The following NDUFAF2 variants were observed in gnomAD, a reference collection of about 807,000 sequenced individuals.
NDUFAF2 encodes NADH:ubiquinone oxidoreductase complex assembly factor 2.
NDUFAF2 carries 13 observed loss-of-function variants against 22.8 expected under a neutral mutation model. The observed-to-expected ratio is 0.57, with a 90% confidence interval of 0.37 to 0.91. The LOEUF is 0.91. NDUFAF2 is among the 40% of genes least tolerant of loss of function. The pLI is 0.01. For missense variants in NDUFAF2, 162 were observed against 195.2 expected, an observed-to-expected ratio of 0.83 and a Z score of 1.01; for synonymous variants, 53 against 64.2, an observed-to-expected ratio of 0.83 and a Z score of 0.84.
chr5:61,048,731 G>A (rs941625078), intron 1 of NDUFAF2, among the ~76,000 whole-genome samples: 2 of 152,136 alleles, frequency 1.3e-5, no homozygotes, highest in African/African-American at 4.8e-5. Context: ...TTTTCTTCAA[G>A]ACATTTGAGT....
At chr5:61,100,666 A>G (rs1752694749) in intron 3 of NDUFAF2, among the ~76,000 whole-genome samples, 1 of 152,038 alleles carries the variant, frequency 6.6e-6, no homozygotes, top group South Asian at 2.1e-4. Context: ...TTTCTCTACC[A>G]CAGAACCTCA....
chr5:61,081,056 A>G lies in NDUFAF2; in HGVS notation c.217+7842A>G, dbSNP rs1476617502. Among the ~76,000 whole-genome samples, 4 of 151,936 alleles carry G rather than the reference A, an allele frequency of 2.6e-5. No individual in the cohort carries two copies. The South Asian group carries it at 6.2e-4, about 24-fold the overall frequency. On this transcript the variant is annotated intron_variant, in intron 2 of 3. Transcript: ENST00000296597. ...GTTTCATGTTTTTTATGGCAATCTA[A>G]TTTTCCAGCACCGTTTTTTTAAATG...
intron 3 of NDUFAF2, among the ~76,000 whole-genome samples, chr5:61,124,851 T>C (rs989781247): frequency 3.9e-5 from 6 of 152,064 alleles, no homozygotes; most frequent in African/African-American, 1.4e-4. Flanking sequence ...GGGTAATTTA[T>C]AAAGAAAAGA....
chr5:61,046,361 A>G (rs1751954214), intron 1 of NDUFAF2, among the ~76,000 whole-genome samples: 1 of 152,112 alleles, frequency 6.6e-6, no homozygotes. Context: ...GAAGAGTTTA[A>G]GAAGGATTGG....
At chr5:61,139,062 C>T (rs1741009119) in intron 3 of NDUFAF2, among the ~76,000 whole-genome samples, 1 of 152,230 alleles carries the variant, frequency 6.6e-6, no homozygotes, top group Non-Finnish European at 1.5e-5. Context: ...AATACAGATA[C>T]TCCTTAACTT....
intron 3 of NDUFAF2, among the ~76,000 whole-genome samples, chr5:61,124,539 T>A (rs1753011954): frequency 6.6e-6 from 1 of 152,084 alleles, no homozygotes; most frequent in South Asian, 2.1e-4. Context: ...TCATCTTTGA[T>A]CTAGACTGTC....
chr5:61,075,822 A>C (rs1479981302), intron 2 of NDUFAF2, among the ~76,000 whole-genome samples: 1 of 152,208 alleles, frequency 6.6e-6, no homozygotes, highest in African/African-American at 2.4e-5. Flanking sequence ...GTTCAGATGA[A>C]TATTGTATTT....
intron 1 of NDUFAF2, among the ~76,000 whole-genome samples, chr5:60,994,067 A>G (rs1300002198): frequency 6.6e-6 from 1 of 152,168 alleles, no homozygotes. Context: ...CTTCCCTCCC[A>G]TGCTCATTGG....
intron 1 of NDUFAF2, among the ~76,000 whole-genome samples, chr5:60,994,264 A>G (rs1377026203): frequency 6.6e-6 from 1 of 152,220 alleles, no homozygotes; most frequent in East Asian, 1.9e-4. Context: ...GAGCCTTCTC[A>G]GTCTCCCGAG....
At chr5:61,074,766 A>G (rs1296350637) in intron 2 of NDUFAF2, among the ~76,000 whole-genome samples, 1 of 152,014 alleles carries the variant, frequency 6.6e-6, no homozygotes, top group South Asian at 2.1e-4. Flanking sequence ...GTCTCAAAAA[A>G]GAAAAGAAAA....
At chr5:61,071,231 T>A (rs190016126) in intron 1 of NDUFAF2, among the ~76,000 whole-genome samples, 2 of 152,272 alleles carry the variant, frequency 1.3e-5, no homozygotes, top group African/African-American at 4.8e-5. Context: ...TGTCCTACTG[T>A]AAATTTATTG....
intron 3 of NDUFAF2, among the ~76,000 whole-genome samples, chr5:61,113,160 C>T (rs2111787102): frequency 6.6e-6 from 1 of 152,078 alleles, no homozygotes; most frequent in Admixed American, 6.6e-5. Flanking sequence ...AGTCTTTCTC[C>T]TCATCATATG....
intron 1 of NDUFAF2, among the ~76,000 whole-genome samples, chr5:61,024,360 A>G (rs921859828): frequency 1.3e-5 from 2 of 152,098 alleles, no homozygotes. Flanking sequence ...AAGTGAAAAT[A>G]AGTCAAATGT....
chr5:61,029,529 T>G (rs966911110), intron 1 of NDUFAF2, among the ~76,000 whole-genome samples: 2 of 152,184 alleles, frequency 1.3e-5, no homozygotes, highest in Admixed American at 1.3e-4. Context: ...TTTATCAGAT[T>G]GTTGCCAGCT....
At chr5:61,041,567 C>A (rs1351389273) in intron 1 of NDUFAF2, among the ~76,000 whole-genome samples, 5 of 152,066 alleles carry the variant, frequency 3.3e-5, no homozygotes, top group African/African-American at 1.2e-4. Flanking sequence ...CCAATACTTT[C>A]GAGTTTAAAA....
At chr5:61,014,974 T>C (rs1751487454) in intron 1 of NDUFAF2, among the ~76,000 whole-genome samples, 1 of 152,236 alleles carries the variant, frequency 6.6e-6, no homozygotes, top group African/African-American at 2.4e-5. Flanking sequence ...GTTTAATATT[T>C]ATTCAACACC....
intron 2 of NDUFAF2, among the ~76,000 whole-genome samples, chr5:61,077,807 G>C (rs143236073): frequency 6.6e-6 from 1 of 152,258 alleles, no homozygotes; most frequent in East Asian, 1.9e-4. Context: ...AAGAGTCTGT[G>C]GGCATATATG....
At chr5:60,987,304 TA>T (rs2112583066) in intron 1 of NDUFAF2, among the ~76,000 whole-genome samples, 1 of 151,916 alleles carries the variant, frequency 6.6e-6, no homozygotes, top group African/African-American at 2.4e-5. Flanking sequence ...CAATCCCCCA[TA>T]AAAGCCCAGG....
intron 1 of NDUFAF2, among the ~76,000 whole-genome samples, chr5:60,961,793 G>A (rs1580068842): frequency 1.3e-5 from 2 of 150,064 alleles, no homozygotes; most frequent in Admixed American, 1.3e-4. Context: ...AATTTACTAT[G>A]TAATTGCAAC....
Sources: allele counts gnomAD v4.1 joint callset (sites outside exome capture counted in the v4.1 genomes callset), GRCh38; gene constraint gnomAD v4.1.1; transcripts MANE v1.5; gene names NCBI Gene and HGNC (gene_info 2026-07-23, HGNC 2026-07-21).